Variants in CIMIP2A observed in about 807,000 individuals in gnomAD.
CIMIP2A encodes family with sequence similarity 166 member A.
chr9:137,253,611 C>T, the CIMIP2A span: 2 of 848,856 alleles, frequency 2.4e-6, no homozygotes, highest in East Asian at 3.1e-5. Flanking sequence ...GTGCTCTCTT[C>T]TCTAGGGTGG....
the CIMIP2A span, chr9:137,251,167 G>C: frequency 2.5e-6 from 2 of 799,670 alleles, no homozygotes; most frequent in South Asian, 1.4e-5. Flanking sequence ...GTCGGGGCCC[G>C]GGGCAGCCCC....
At chr9:137,247,470 AC>A in the CIMIP2A span, among the ~76,000 whole-genome samples, 1 of 152,100 alleles carries the variant, frequency 6.6e-6, no homozygotes, top group Non-Finnish European at 1.5e-5. Context: ...GCCCCTGGCA[AC>A]CCCATCCCTG....
At chr9:137,251,464 G>A in the CIMIP2A span, 8 of 1,262,086 alleles carry the variant, frequency 6.3e-6, no homozygotes, top group Non-Finnish European at 9.1e-6. Context: ...GGGACAGTGT[G>A]GGGGGCAGGT....
At chr9:137,245,682 A>T in the CIMIP2A span, 1 of 1,605,638 alleles carries the variant, frequency 6.2e-7, no homozygotes, top group East Asian at 2.2e-5. Flanking sequence ...CTTGGCAGGG[A>T]ACCCTCGGGG....
chr9:137,253,318 C>T, the CIMIP2A span: 1 of 1,554,068 alleles, frequency 6.4e-7, no homozygotes, highest in Admixed American at 1.9e-5. Context: ...TTTCCCAGGC[C>T]TCCCCTGGGA....
chr9:137,244,631 C>G, the CIMIP2A span: 5 of 1,613,270 alleles, frequency 3.1e-6, no homozygotes, highest in Non-Finnish European at 4.2e-6. Flanking sequence ...CCCTGGATGG[C>G]GCTTTCCTAC....
chr9:137,251,944 C>G, the CIMIP2A span: 1 of 1,596,332 alleles, frequency 6.3e-7, no homozygotes, highest in Non-Finnish European at 8.5e-7. Flanking sequence ...CTTTGGGGGG[C>G]TGTGGGAGGG....
chr9:137,246,090 C>T, the CIMIP2A span, among the ~76,000 whole-genome samples: 1 of 152,248 alleles, frequency 6.6e-6, no homozygotes, highest in Non-Finnish European at 1.5e-5. Context: ...GTCAGCACCA[C>T]AGCAGATGGC....
the CIMIP2A span, chr9:137,245,113 G>T: frequency 6.2e-7 from 1 of 1,605,238 alleles, no homozygotes; most frequent in South Asian, 1.1e-5. Context: ...CGTTGGATTA[G>T]GTTAGGGTGG....
At chr9:137,245,846 C>T in the CIMIP2A span, 32 of 1,505,438 alleles carry the variant, frequency 2.1e-5, no homozygotes, top group Admixed American at 3.4e-4. Context: ...GGAAAGAAGC[C>T]GGCATAGCTG....
At chr9:137,245,650 G>A in the CIMIP2A span, 3 of 1,607,540 alleles carry the variant, frequency 1.9e-6, no homozygotes, top group South Asian at 2.2e-5. Context: ...GGTGTAGTGG[G>A]GGATGTAGGG....
the CIMIP2A span, chr9:137,245,264 G>A: frequency 1.3e-5 from 21 of 1,575,198 alleles, no homozygotes; most frequent in African/African-American, 2.6e-4. Context: ...TCCCACCTGG[G>A]GCTGAGCGGA....
the CIMIP2A span, chr9:137,243,798 G>A: frequency 2.5e-6 from 4 of 1,613,814 alleles, no homozygotes; most frequent in Non-Finnish European, 3.4e-6. Flanking sequence ...GCTGCGGGGA[G>A]CCAGGCTGCA....
At chr9:137,250,956 T>A in the CIMIP2A span, 2 of 358,564 alleles carry the variant, frequency 5.6e-6, no homozygotes, top group African/African-American at 4.3e-5. Context: ...CTCCACCCCC[T>A]CTGCTGAGGC....
chr9:137,243,645 TTGC>T, the CIMIP2A span: 2 of 1,614,034 alleles, frequency 1.2e-6, no homozygotes, highest in South Asian at 2.2e-5. Flanking sequence ...CTGTGTGCAC[TTGC>T]TGTTTTCCCT....
chr9:137,244,150 G>A, the CIMIP2A span: 2 of 1,611,524 alleles, frequency 1.2e-6, no homozygotes, highest in East Asian at 4.5e-5. Context: ...GTGTCCATGT[G>A]ACCCTGCCCA....
At chr9:137,245,055 G>T in the CIMIP2A span, 1 of 1,610,102 alleles carries the variant, frequency 6.2e-7, no homozygotes, top group Admixed American at 1.7e-5. Context: ...GGGGAGGGGC[G>T]GCCTTCTCCA....
the CIMIP2A span, chr9:137,252,769 A>G: frequency 6.4e-7 from 1 of 1,561,950 alleles, no homozygotes; most frequent in African/African-American, 1.4e-5. Flanking sequence ...ACACCCACCT[A>G]GGGCTGCCTG....
the CIMIP2A span, chr9:137,251,460 G>T: frequency 2.4e-5 from 31 of 1,291,518 alleles, no homozygotes; most frequent in East Asian, 6.9e-4. Flanking sequence ...CTGAGGGACA[G>T]TGTGGGGGGC....
Sources: allele counts gnomAD v4.1 joint callset (sites outside exome capture counted in the v4.1 genomes callset), GRCh38; gene constraint gnomAD v4.1.1; transcripts MANE v1.5; gene names NCBI Gene and HGNC (gene_info 2026-07-23, HGNC 2026-07-21).